BRCA1: variants seen among roughly 807,000 people sequenced by gnomAD.
BRCA1 encodes BRCA1 DNA repair associated.
BRCA1 carries 140 observed loss-of-function variants against 173.7 expected under a neutral mutation model. The ratio of observed to expected loss-of-function variants is 0.81; its 90% CI spans 0.70 to 0.93. The LOEUF (loss-of-function observed/expected upper bound fraction) is 0.93. BRCA1 is among the 40% of genes least tolerant of loss of function. The pLI, the probability that BRCA1 is intolerant of heterozygous loss-of-function variation, is 0.00. For missense variants in BRCA1, 1,983 were observed against 2,172.5 expected (o/e 0.91, Z 1.73); for synonymous variants, 662 against 756.0 (o/e 0.88, Z 2.04).
rs80358325 is a variant in BRCA1, at chr17:43,094,422, ACAT to A, written c.1106_1108del (p.Asp369del). On this transcript the variant is annotated inframe_deletion, in exon 10 of 23. Transcript: ENST00000357654. ...GCTGCTATTTAGTGTTATCCAAGGA[ACAT>A]CTTCAGTATCTCTAGGATTCTCTGA... The A allele has an allele frequency of 9.7e-5, 156 of 1,614,042 alleles. No individual in the cohort carries two copies. The highest frequency in any genetic ancestry group is 1.2e-4 in the Non-Finnish European group (147 of 1,180,044).
rs876660509 is a variant in BRCA1, at chr17:43,070,968, C to T, written c.4946G>A (p.Arg1649Lys). Residue 1649 changes from arginine to lysine, a missense_variant, in exon 15 of 23, where the codon AGA becomes AAA. Physicochemically the swap from Arg to Lys is conservative, Grantham distance 26. Transcript: ENST00000357654. ...LTASTERVNK[R>K]MSMVVSGLTP... ...CAGGCCAGACACCACCATGGACATTCTTTTGTTGACCCTTTCTGTTGAAGC... is the reference window on the plus strand; with the variant it reads ...CAGGCCAGACACCACCATGGACATTTTTTTGTTGACCCTTTCTGTTGAAGC... 5.6e-6 allele frequency: 9 copies of T among 1,614,240 alleles called. No individual in the cohort carries two copies. Among genetic ancestry groups the T allele is most frequent in the Non-Finnish European group, 7.6e-6 (9 of 1,180,048 alleles).
At chr17:43,059,700 A>T (rs1229720981) in intron 18 of BRCA1, among the ~76,000 whole-genome samples, 1 of 152,118 alleles carries the variant, frequency 6.6e-6, no homozygotes, top group East Asian at 1.9e-4. Context: ...TTAATCCATT[A>T]GCAAGTCCTC....
rs992306081 is a variant in BRCA1 at position 43,115,648 on chromosome 17, TAA to T, written c.134+76_134+77del. On this transcript the variant is annotated intron_variant, in intron 3 of 22. Transcript: ENST00000357654. ...TTAATTGAAGAAAGTAAAGCTTCTA[TAA>T]AGTTAGGTGTTTCCTGGGTTATGAA... is the stretch of plus-strand genomic sequence containing the variant. 137 of 1,375,888 alleles carry T rather than the reference TAA, an allele frequency of 1.0e-4. No homozygotes were observed. The African/African-American group carries it at 1.7e-3, about 17-fold the overall frequency. 85.2% of individuals were successfully genotyped at this position (1,375,888 alleles called of 1,614,324 possible).
At chr17:43,163,650 T>C (rs1214678087) in intron 1 of BRCA1, 1 of 152,232 alleles carries the variant, frequency 6.6e-6, no homozygotes, top group Non-Finnish European at 1.5e-5. Flanking sequence ...CCAATTGGAC[T>C]AAAGTACAAG....
At chr17:43,152,133 C>A (rs1360888587) in intron 1 of BRCA1, among the ~76,000 whole-genome samples, 1 of 152,202 alleles carries the variant, frequency 6.6e-6, no homozygotes, top group Non-Finnish European at 1.5e-5. Context: ...CACATACTTT[C>A]AAAATATGTT....
At chr17:43,074,614 T>A (rs1182556108) in intron 13 of BRCA1, 93 bp from the exon 14 acceptor site, 2 of 1,171,716 alleles carry the variant, frequency 1.7e-6, no homozygotes, top group Non-Finnish European at 2.5e-6. Flanking sequence ...ATGAAACAGC[T>A]CATGTCAGAG....
intron 2 of BRCA1, among the ~76,000 whole-genome samples, chr17:43,117,379 T>C (rs1343250595): frequency 2.0e-5 from 3 of 151,926 alleles, no homozygotes; most frequent in Non-Finnish European, 4.4e-5. Context: ...GAGGTGGAGG[T>C]TGCAGAGTGA....
intron 6 of BRCA1, among the ~76,000 whole-genome samples, chr17:43,102,005 C>A (rs1476952086): frequency 6.6e-6 from 1 of 151,800 alleles, no homozygotes; most frequent in Non-Finnish European, 1.5e-5. Context: ...TATGTTAAAG[C>A]AATGCTCCAG....
intron 1 of BRCA1, among the ~76,000 whole-genome samples, chr17:43,151,039 C>T (rs374778775): frequency 2.8e-4 from 42 of 152,196 alleles, no homozygotes; most frequent in African/African-American, 8.4e-4. Context: ...GGGGCATATG[C>T]TTTATTCCCT....
chr17:43,096,408 A>T (rs2054140273), intron 8 of BRCA1, among the ~76,000 whole-genome samples: 1 of 149,754 alleles, frequency 6.7e-6, no homozygotes, highest in African/African-American at 2.4e-5. Context: ...AGAAAGAAAG[A>T]AATGGAATGG....
chr17:43,085,685 A>G (rs2053202194), intron 11 of BRCA1, among the ~76,000 whole-genome samples: 1 of 152,040 alleles, frequency 6.6e-6, no homozygotes, highest in Non-Finnish European at 1.5e-5. Flanking sequence ...TTAAGTCCCC[A>G]CCAGGAGGAG....
At position 43,092,539 on chromosome 17, in the gene BRCA1, G is replaced by C. The variant is rs876659077; in HGVS notation, c.2992C>G (p.Leu998Val). 6.2e-7 allele frequency: 1 copy of C among 1,613,986 alleles called. No homozygotes were observed. The highest frequency in any genetic ancestry group is 1.3e-5 in the African/African-American group (1 of 74,996). The change falls in exon 10 of 23, where the codon CTG becomes GTG. Residue 998 changes from leucine to valine, a missense_variant. Coordinates refer to ENST00000357654, the MANE Select transcript of BRCA1 (RefSeq NM_007294.4). ...TGTTCCTCAAAGTTTTCCTCTAGCA[G>C]ATTTTTCTTACATTTAGTTTTAACA... is the stretch of plus-strand genomic sequence containing the variant. ...SFVKTKCKKN[L>V]LEENFEEHSM...
At chr17:43,119,475 C>T (rs909778590) in intron 2 of BRCA1, among the ~76,000 whole-genome samples, 1 of 152,170 alleles carries the variant, frequency 6.6e-6, no homozygotes, top group African/African-American at 2.4e-5. Flanking sequence ...GCTAACCACT[C>T]TACCTGAACC....
chr17:43,049,190 T>C lies in BRCA1; in HGVS notation c.5337A>G (p.Gln1779=), dbSNP rs876659718. Residue 1779 remains glutamine (Q), a synonymous_variant, in exon 21 of 23, where the codon CAA becomes CAG. Transcript: ENST00000357654. ...YGPFTNMPTD[Q]LEWMVQLCGA... ...CACACAGCTGTACCATCCATTCCAG[T>C]TGATCTAAAATGGACATTTAGATGT... is the stretch of plus-strand genomic sequence containing the variant. The C allele has an allele frequency of 1.2e-6, 2 of 1,614,036 alleles. No individual in the cohort carries two copies. Among genetic ancestry groups the C allele is most frequent in the Non-Finnish European group, 1.7e-6 (2 of 1,179,886 alleles).
chr17:43,154,198 AAAT>A, intron 1 of BRCA1, among the ~76,000 whole-genome samples: 1 of 148,928 alleles, frequency 6.7e-6, no homozygotes, highest in South Asian at 2.1e-4. Flanking sequence ...AATAAAAAGA[AAAT>A]AAGGCCAGGC....
chr17:43,100,678 A>AATAT (rs56679756), intron 6 of BRCA1, among the ~76,000 whole-genome samples: 2 of 36,258 alleles, frequency 5.5e-5, no homozygotes, highest in Non-Finnish European at 9.0e-5. Flanking sequence ...ATATATATAT[A>AATAT]ATATATATAT....
At chr17:43,164,861 A>T (rs1018467510) in intron 1 of BRCA1, 1 of 152,214 alleles carries the variant, frequency 6.6e-6, no homozygotes, top group African/African-American at 2.4e-5. Flanking sequence ...GAGAGAAAGG[A>T]AAGTGGAAAA....
intron 18 of BRCA1, among the ~76,000 whole-genome samples, chr17:43,057,360 A>T (rs1199344250): frequency 6.6e-6 from 1 of 151,892 alleles, no homozygotes; most frequent in Non-Finnish European, 1.5e-5. Flanking sequence ...AAATACAAAA[A>T]ATTAGTTGGG....
At chr17:43,146,929 G>T (rs910755468) in intron 1 of BRCA1, among the ~76,000 whole-genome samples, 1 of 152,020 alleles carries the variant, frequency 6.6e-6, no homozygotes, top group East Asian at 1.9e-4. Flanking sequence ...TGGGAACCAT[G>T]AGGGCCCCGT....
Sources: allele counts gnomAD v4.1 joint callset (sites outside exome capture counted in the v4.1 genomes callset), GRCh38; gene constraint gnomAD v4.1.1; transcripts MANE v1.5; gene names NCBI Gene and HGNC (gene_info 2026-07-23, HGNC 2026-07-21).